GNB4: variants seen among roughly 807,000 people sequenced by gnomAD.
The protein encoded by GNB4 is guanine nucleotide-binding protein subunit beta-4.
GNB4 carries 28 observed loss-of-function variants against 45.2 expected under a neutral mutation model. The observed-to-expected ratio is 0.62, with a 90% CI of 0.46 to 0.85. GNB4 has a LOEUF of 0.85. Ranked by LOEUF, GNB4 falls within the 40% of genes least tolerant of loss-of-function variation. The pLI, the probability that GNB4 is intolerant of heterozygous loss-of-function variation, is 0.00. For missense variants in GNB4, 321 were observed against 425.4 expected, an observed-to-expected ratio of 0.75 and a Z score of 2.16; for synonymous variants, 132 against 143.7, an observed-to-expected ratio of 0.92 and a Z score of 0.58.
the GNB4 span, among the ~76,000 whole-genome samples, chr3:179,493,744 A>C: frequency 5.5e-3 from 838 of 152,334 alleles, 8 homozygotes; most frequent in African/African-American, 0.02. Context: ...AAGTGAATGC[A>C]CAGGCTGAAG....
chr3:179,511,280 TCA>T, the GNB4 span, among the ~76,000 whole-genome samples: 4 of 152,222 alleles, frequency 2.6e-5, no homozygotes, highest in Admixed American at 2.6e-4. Flanking sequence ...TCTCCTTCTC[TCA>T]CTATAAGGGC....
At chr3:179,419,217 G>A (rs1344378457) in intron 4 of GNB4, among the ~76,000 whole-genome samples, 182 bp downstream of exon 4, 1 of 152,162 alleles carries the variant, frequency 6.6e-6, no homozygotes, top group African/African-American at 2.4e-5. Context: ...TATTAAAAAT[G>A]TTTATACTTT....
intron 1 of GNB4, among the ~76,000 whole-genome samples, chr3:179,426,975 T>TAC (rs903082240): frequency 2.0e-5 from 3 of 151,936 alleles, no homozygotes; most frequent in Non-Finnish European, 2.9e-5. Context: ...CCTGTATCAT[T>TAC]ACACACACAC....
At chr3:179,457,713 G>T in the GNB4 span, among the ~76,000 whole-genome samples, 2 of 152,134 alleles carry the variant, frequency 1.3e-5, no homozygotes, top group Non-Finnish European at 2.9e-5. Flanking sequence ...CAAAATGCTT[G>T]GTTCAACATT....
chr3:179,419,218 T>C (rs1714902649), intron 4 of GNB4, among the ~76,000 whole-genome samples, 181 bp downstream of exon 4: 2 of 152,254 alleles, frequency 1.3e-5, no homozygotes, highest in African/African-American at 4.8e-5. Context: ...ATTAAAAATG[T>C]TTATACTTTT....
the GNB4 span, among the ~76,000 whole-genome samples, chr3:179,526,387 T>C: frequency 6.6e-6 from 1 of 152,202 alleles, no homozygotes; most frequent in Non-Finnish European, 1.5e-5. Context: ...TTGCCCCAGA[T>C]TGTATAGCTA....
At chr3:179,449,428 T>C (rs1006562444) in intron 1 of GNB4, among the ~76,000 whole-genome samples, 6 of 152,194 alleles carry the variant, frequency 3.9e-5, no homozygotes, top group African/African-American at 1.2e-4. Context: ...GCTTCTGGCA[T>C]GTCTTGGATA....
intron 8 of GNB4, among the ~76,000 whole-genome samples, chr3:179,409,242 G>A (rs1714571729): frequency 6.6e-6 from 1 of 151,938 alleles, no homozygotes; most frequent in Non-Finnish European, 1.5e-5. Flanking sequence ...TGTGCACAGT[G>A]GCTCATGCCT....
At chr3:179,416,624 T>C in intron 4 of GNB4, 68 bp from the exon 5 acceptor site, 1 of 854,324 alleles carries the variant, frequency 1.2e-6, no homozygotes, top group East Asian at 2.7e-5. Context: ...GGTTATGCAT[T>C]GCATTAATGT....
At chr3:179,475,162 G>T in the GNB4 span, among the ~76,000 whole-genome samples, 416 of 151,900 alleles carry the variant, frequency 2.7e-3, 2 homozygotes, top group African/African-American at 9.5e-3. Flanking sequence ...CTCTGTCCCA[G>T]GCTTGAGTGC....
the GNB4 span, among the ~76,000 whole-genome samples, chr3:179,458,910 T>A: frequency 6.6e-6 from 1 of 152,158 alleles, no homozygotes; most frequent in Admixed American, 6.5e-5. Context: ...ACAGAAACAA[T>A]CTGCTTTTAA....
At chr3:179,526,359 A>G in the GNB4 span, among the ~76,000 whole-genome samples, 2 of 152,232 alleles carry the variant, frequency 1.3e-5, no homozygotes, top group South Asian at 4.1e-4. Context: ...GACACCAGGC[A>G]CAAGAATGTA....
chr3:179,429,611 C>T (rs1050388268), intron 1 of GNB4, among the ~76,000 whole-genome samples: 3 of 152,286 alleles, frequency 2.0e-5, no homozygotes, highest in Non-Finnish European at 4.4e-5. Context: ...TCCAGAACTT[C>T]AAGCCTTTTC....
At chr3:179,506,105 G>C in the GNB4 span, among the ~76,000 whole-genome samples, 1 of 152,232 alleles carries the variant, frequency 6.6e-6, no homozygotes, top group East Asian at 1.9e-4. Flanking sequence ...CACTTTGGGA[G>C]GCCGAGGCAG....
At chr3:179,438,996 T>C (rs1464402624) in intron 1 of GNB4, among the ~76,000 whole-genome samples, 3 of 152,088 alleles carry the variant, frequency 2.0e-5, no homozygotes, top group East Asian at 3.9e-4. Flanking sequence ...AACCAAACAG[T>C]TTCAATCTGT....
At chr3:179,495,834 CA>C in the GNB4 span, among the ~76,000 whole-genome samples, 26 of 152,182 alleles carry the variant, frequency 1.7e-4, no homozygotes, top group African/African-American at 6.0e-4. Flanking sequence ...GATAAAATTT[CA>C]ACCAAGAATA....
At chr3:179,446,295 T>C (rs1043302317) in intron 1 of GNB4, among the ~76,000 whole-genome samples, 1 of 152,246 alleles carries the variant, frequency 6.6e-6, no homozygotes, top group Non-Finnish European at 1.5e-5. Context: ...ACCACTTGTG[T>C]ACGTTAACCG....
Position 179,426,124 on chromosome 3 carries a change from TTGAAA to T in GNB4, c.57+15_57+19del. 1 of 1,595,728 alleles carries T rather than the reference TTGAAA, an allele frequency of 6.3e-7. No homozygotes were observed. Among genetic ancestry groups the T allele is most frequent in the Non-Finnish European group, 8.5e-7 (1 of 1,170,910 alleles). On this transcript the variant is annotated intron_variant, in intron 2 of 9. Coordinates refer to ENST00000232564, the MANE Select transcript of GNB4 (RefSeq NM_021629.4). ...CTGGTACTAAATAAGTGCTAACATT[TTGAAA>T]TGAAAAGGTTTTACCTGAATCTGAT...
intron 2 of GNB4, 146 bp downstream of exon 2, chr3:179,425,998 C>T: frequency 1.6e-6 from 1 of 630,778 alleles, no homozygotes; most frequent in Non-Finnish European, 2.7e-6. Context: ...ACAAATAGAC[C>T]TCAGTTCTTA....
Sources: allele counts gnomAD v4.1 joint callset (sites outside exome capture counted in the v4.1 genomes callset), GRCh38; gene constraint gnomAD v4.1.1; transcripts MANE v1.5; gene names NCBI Gene and HGNC (gene_info 2026-07-23, HGNC 2026-07-21).